Variants in ANO4 observed in about 807,000 individuals in gnomAD.
ANO4 encodes the protein anoctamin-4.
ANO4 carries 69 observed loss-of-function variants against 141.9 expected under a neutral mutation model. The observed-to-expected ratio is 0.49, with a 90% CI of 0.40 to 0.59. The LOEUF (loss-of-function observed/expected upper bound fraction) is 0.59. ANO4 is among the 20% of genes least tolerant of loss of function. The pLI is 0.00. For synonymous variants in ANO4, 350 were observed against 394.3 expected (o/e 0.89, Z 1.33); for missense variants, 894 against 1,162.2 (o/e 0.77, Z 3.36).
intron 3 of ANO4, among the ~76,000 whole-genome samples, chr12:100,761,419 C>T (rs1379090654): frequency 6.6e-6 from 1 of 152,150 alleles, no homozygotes; most frequent in African/African-American, 2.4e-5. Flanking sequence ...AGCCAAGTTT[C>T]CAGAAAAGGT....
chr12:100,819,652 A>T (rs1192487255), intron 1 of ANO4, among the ~76,000 whole-genome samples: 3 of 151,980 alleles, frequency 2.0e-5, no homozygotes, highest in African/African-American at 7.2e-5. Context: ...ATACTTTTTT[A>T]TGAAATAAAG....
chr12:100,720,361 G>A (rs766934664), intron 1 of ANO4, among the ~76,000 whole-genome samples: 2 of 152,018 alleles, frequency 1.3e-5, no homozygotes, highest in Non-Finnish European at 2.9e-5. Context: ...TGAAGAAAAG[G>A]AATGAGGCAT....
intron 5 of ANO4, among the ~76,000 whole-genome samples, chr12:100,967,100 T>C (rs1000993733): frequency 2.0e-5 from 3 of 152,090 alleles, no homozygotes; most frequent in African/African-American, 7.2e-5. Flanking sequence ...TGTGTGAATC[T>C]TATCTCTTTT....
intron 5 of ANO4, among the ~76,000 whole-genome samples, chr12:100,955,817 G>C (rs1302877137): frequency 6.6e-6 from 1 of 152,188 alleles, no homozygotes; most frequent in African/African-American, 2.4e-5. Flanking sequence ...CACCAAGTCA[G>C]AAAGTAGAAG....
chr12:100,868,699 G>A (rs2135918148), intron 1 of ANO4, among the ~76,000 whole-genome samples: 1 of 152,206 alleles, frequency 6.6e-6, no homozygotes, highest in Middle Eastern at 3.4e-3. Context: ...CCTCCCCCTT[G>A]TGGGAGTTGT....
intron 21 of ANO4, among the ~76,000 whole-genome samples, 155 bp from the exon 22 acceptor site, chr12:101,099,423 T>C (rs757198601): frequency 1.3e-5 from 2 of 152,208 alleles, no homozygotes; most frequent in Non-Finnish European, 2.9e-5. Context: ...ATAGACTCCA[T>C]TGTTATTTTC....
chr12:100,894,790 C>A (rs1336383157), intron 1 of ANO4, among the ~76,000 whole-genome samples: 1 of 151,680 alleles, frequency 6.6e-6, no homozygotes, highest in Non-Finnish European at 1.5e-5. Flanking sequence ...AACGGTGAAA[C>A]CCCGTCTCTA....
chr12:100,719,719 T>C (rs143978807), intron 1 of ANO4, among the ~76,000 whole-genome samples: 2 of 152,224 alleles, frequency 1.3e-5, no homozygotes, highest in South Asian at 2.1e-4. Flanking sequence ...ATTTGGCTTA[T>C]GTAGGCATTT....
chr12:100,925,834 C>T (rs61944864), intron 3 of ANO4, among the ~76,000 whole-genome samples: 18 of 110,896 alleles, frequency 1.6e-4, no homozygotes, highest in South Asian at 3.1e-4. Flanking sequence ...CATATATATA[C>T]ATACATATAT....
chr12:100,945,181 G>A (rs2042675221), intron 5 of ANO4, among the ~76,000 whole-genome samples: 1 of 152,160 alleles, frequency 6.6e-6, no homozygotes, highest in Admixed American at 6.5e-5. Context: ...ACAGACAGAT[G>A]CTTATGTTTC....
intron 9 of ANO4, among the ~76,000 whole-genome samples, chr12:101,036,022 G>A (rs1348417776): frequency 6.6e-6 from 1 of 152,090 alleles, no homozygotes; most frequent in African/African-American, 2.4e-5. Flanking sequence ...GGAAAAAAAT[G>A]TTAAAAGTTA....
At chr12:100,971,124 G>A (rs909027545) in intron 5 of ANO4, among the ~76,000 whole-genome samples, 182 bp from the exon 6 acceptor site, 1 of 152,214 alleles carries the variant, frequency 6.6e-6, no homozygotes, top group East Asian at 1.9e-4. Flanking sequence ...TGACATGAGT[G>A]CCACACACAC....
At chr12:100,958,915 T>A (rs998865749) in intron 5 of ANO4, among the ~76,000 whole-genome samples, 2 of 151,770 alleles carry the variant, frequency 1.3e-5, no homozygotes, top group African/African-American at 4.8e-5. Flanking sequence ...CAGAGCAGAG[T>A]GTGGGTATGA....
At chr12:100,917,166 T>C (rs2041381732) in intron 2 of ANO4, among the ~76,000 whole-genome samples, 1 of 152,212 alleles carries the variant, frequency 6.6e-6, no homozygotes, top group Admixed American at 6.5e-5. Flanking sequence ...GGAGATCACA[T>C]GGATTTTGTA....
intron 13 of ANO4, among the ~76,000 whole-genome samples, chr12:101,044,931 G>T (rs978542087): frequency 3.3e-5 from 5 of 152,168 alleles, no homozygotes; most frequent in African/African-American, 1.2e-4. Flanking sequence ...TTAAAGGTCA[G>T]ATATAAGCCT....
intron 8 of ANO4, among the ~76,000 whole-genome samples, chr12:101,005,136 C>A (rs2045819845): frequency 6.6e-6 from 1 of 152,152 alleles, no homozygotes; most frequent in Admixed American, 6.5e-5. Flanking sequence ...GAATAATAAA[C>A]TTATGCAGGG....
chr12:100,751,606 G>A (rs770537084), intron 3 of ANO4, among the ~76,000 whole-genome samples: 4 of 152,060 alleles, frequency 2.6e-5, no homozygotes, highest in African/African-American at 4.8e-5. Context: ...GTCCCAGGTC[G>A]TGTAACTCAT....
intron 14 of ANO4, among the ~76,000 whole-genome samples, chr12:101,069,457 C>A (rs913849658): frequency 2.6e-5 from 4 of 152,070 alleles, no homozygotes; most frequent in Admixed American, 2.0e-4. Context: ...CATTTAATAC[C>A]TCTGGGCAGA....
chr12:100,854,429 C>G (rs1190594556), intron 1 of ANO4, among the ~76,000 whole-genome samples: 1 of 151,820 alleles, frequency 6.6e-6, no homozygotes, highest in Non-Finnish European at 1.5e-5. Context: ...AAGTTTTCAA[C>G]CATTACTTTG....
Sources: gnomAD v4.1 joint callset for allele counts (sites outside exome capture counted in the v4.1 genomes callset) on GRCh38, gnomAD v4.1.1 for gene constraint, MANE v1.5 for transcripts, NCBI Gene and HGNC (gene_info 2026-07-23, HGNC 2026-07-21) for gene names.